Variants in BRCA1 observed in about 807,000 individuals in gnomAD.
BRCA1 encodes BRCA1 DNA repair associated.
BRCA1 carries 140 observed loss-of-function variants against 173.7 expected under a neutral mutation model. That is an observed-to-expected ratio of 0.81 (90% CI 0.70 to 0.93). The LOEUF (loss-of-function observed/expected upper bound fraction) is 0.93, where lower values mean the gene tolerates loss of function less well. BRCA1 is among the 40% of genes least tolerant of loss of function. The pLI is 0.00. For missense variants in BRCA1, 1,983 were observed against 2,172.5 expected, an observed-to-expected ratio of 0.91 and a Z score of 1.73; for synonymous variants, 662 against 756.0, an observed-to-expected ratio of 0.88 and a Z score of 2.04.
At chr17:43,114,078 A>C (rs2055157983) in intron 3 of BRCA1, among the ~76,000 whole-genome samples, 1 of 151,532 alleles carries the variant, frequency 6.6e-6, no homozygotes, top group Admixed American at 6.6e-5. Flanking sequence ...CCATCTCAAA[A>C]AAAAAAAAAG....
intron 1 of BRCA1, chr17:43,145,103 G>C: frequency 1.4e-6 from 1 of 740,374 alleles, no homozygotes; most frequent in Middle Eastern, 2.5e-4. Flanking sequence ...AGACACAAAA[G>C]TGCAAAAAAA....
At chr17:43,169,037 T>A (rs953392670) in intron 1 of BRCA1, among the ~76,000 whole-genome samples, 6 of 152,168 alleles carry the variant, frequency 3.9e-5, no homozygotes, top group African/African-American at 1.2e-4. Flanking sequence ...TACTTCCCTC[T>A]TGCGCTTTCT....
At chr17:43,063,206 T>G in intron 18 of BRCA1, 127 bp downstream of exon 18, 1 of 809,204 alleles carries the variant, frequency 1.2e-6, no homozygotes, top group Non-Finnish European at 2.1e-6. Flanking sequence ...TTCTTGATGA[T>G]CCTCATTATC....
intron 1 of BRCA1, among the ~76,000 whole-genome samples, chr17:43,135,557 G>A (rs1489011712): frequency 1.3e-5 from 2 of 152,192 alleles, no homozygotes; most frequent in Non-Finnish European, 2.9e-5. Context: ...GGCCGGGGCT[G>A]TAGCCTTCAT....
At position 43,094,519 on chromosome 17, in the gene BRCA1, T is replaced by C. The variant is rs397508826; in HGVS notation, c.1012A>G (p.Lys338Glu). The C allele has an allele frequency of 6.2e-7, 1 of 1,614,124 alleles. No homozygotes were observed. Among genetic ancestry groups the C allele is most frequent in the Non-Finnish European group, 8.5e-7 (1 of 1,180,030 alleles). The part of the protein sequence containing the change: ...CNDRRTPSTE[K>E]KVDLNADPLC... ...GGATCAGCATTCAGATCTACCTTTT[T>C]TTCTGTGCTGGGAGTCCGCCTATCA... Residue 338 changes from lysine (K) to glutamate (E), a missense_variant, in exon 10 of 23, where the codon AAA becomes GAA. By Grantham distance (56) the Lys-to-Glu change is moderately conservative. Coordinates refer to ENST00000357654, the MANE Select transcript of BRCA1 (RefSeq NM_007294.4).
chr17:43,063,445 C>A (rs1290801589), intron 17 of BRCA1, 72 bp from the exon 18 acceptor site: 6 of 1,256,348 alleles, frequency 4.8e-6, no homozygotes, highest in Non-Finnish European at 5.8e-6. Flanking sequence ...ATAGAGAGGT[C>A]AGCGATTCAC....
At chr17:43,047,167 G>A (rs773244301) in intron 22 of BRCA1, among the ~76,000 whole-genome samples, 3 of 151,316 alleles carry the variant, frequency 2.0e-5, no homozygotes, top group Non-Finnish European at 4.4e-5. Context: ...TGGTGTGATC[G>A]TGGCTCACTG....
At chr17:43,133,213 C>T (rs1277019618) in intron 1 of BRCA1, 1 of 152,078 alleles carries the variant, frequency 6.6e-6, no homozygotes, top group Non-Finnish European at 1.5e-5. Context: ...CCTTATCCCT[C>T]ATCTCCTAGG....
At chr17:43,100,558 G>GTATATATATATAACATATATATGT (rs1567806950) in intron 6 of BRCA1, among the ~76,000 whole-genome samples, 2 of 35,914 alleles carry the variant, frequency 5.6e-5, no homozygotes, top group African/African-American at 1.8e-4. Context: ...GTGTGTGTGT[G>GTATATATATATAACATATATATGT]TATATATATA....
intron 12 of BRCA1, chr17:43,079,276 C>A (rs1202016798): frequency 2.7e-5 from 37 of 1,360,024 alleles, no homozygotes; most frequent in Non-Finnish European, 3.7e-5. Context: ...TTGGCCAGAA[C>A]CACCATCTTT....
At chr17:43,156,300 T>A (rs2056196915) in intron 1 of BRCA1, among the ~76,000 whole-genome samples, 1 of 151,872 alleles carries the variant, frequency 6.6e-6, no homozygotes, top group Admixed American at 6.6e-5. Context: ...TTGTGAAGGA[T>A]TTAGTAATAC....
At chr17:43,124,580 T>A (rs2154579101) in intron 1 of BRCA1, among the ~76,000 whole-genome samples, 1 of 152,234 alleles carries the variant, frequency 6.6e-6, no homozygotes, top group African/African-American at 2.4e-5. Context: ...CAGCATCTGT[T>A]ACTACTGACG....
chr17:43,133,844 A>G (rs2055992826), intron 1 of BRCA1, among the ~76,000 whole-genome samples: 1 of 152,134 alleles, frequency 6.6e-6, no homozygotes, highest in Non-Finnish European at 1.5e-5. Flanking sequence ...CATGTTGGCC[A>G]GGCTGGTCTC....
chr17:43,057,169 G>C (rs760208409), intron 18 of BRCA1, 34 bp from the exon 19 acceptor site: 6 of 1,600,986 alleles, frequency 3.7e-6, no homozygotes, highest in Non-Finnish European at 3.4e-6. Context: ...ATCAGGATAA[G>C]AGAAAGAGAA....
intron 16 of BRCA1, among the ~76,000 whole-genome samples, chr17:43,066,968 C>T (rs1028336712): frequency 7.9e-5 from 12 of 151,654 alleles, no homozygotes; most frequent in East Asian, 2.0e-4. Context: ...CAGGTGCCTG[C>T]CACCACGCCC....
At chr17:43,115,670 T>C (rs1567817733) in intron 3 of BRCA1, 56 bp downstream of exon 3, 1 of 1,545,210 alleles carries the variant, frequency 6.5e-7, no homozygotes, top group Non-Finnish European at 8.9e-7. Context: ...TTTCCTGGGT[T>C]ATGAAGGACA....
chr17:43,067,822 A>C, intron 15 of BRCA1, 127 bp from the exon 16 acceptor site: 1 of 608,986 alleles, frequency 1.6e-6, no homozygotes, highest in Non-Finnish European at 2.7e-6. Context: ...GTGTCCTGGA[A>C]CTATTTAAAG....
rs876658464 is a variant in BRCA1, at chr17:43,092,496, C to G, written c.3035G>C (p.Arg1012Thr). 1 of 1,613,990 alleles carries G rather than the reference C, an allele frequency of 6.2e-7. No individual in the cohort carries two copies. The highest frequency in any genetic ancestry group is 1.7e-5 in the Admixed American group (1 of 60,008). ...TGGAATGTTCTCATTTCCCATTTCT[C>G]TTTCAGGTGACATTGAATGTTCCTC... ...NFEEHSMSPE[R>T]EMGNENIPST... The change falls in exon 10 of 23, where the codon AGA becomes ACA. Residue 1012 changes from arginine (R) to threonine (T), a missense_variant. Arg to Thr is a moderately conservative substitution (Grantham distance 71). Transcript: ENST00000357654.
At chr17:43,101,895 TAAGTTC>T (rs758204650) in intron 6 of BRCA1, among the ~76,000 whole-genome samples, 2 of 152,224 alleles carry the variant, frequency 1.3e-5, no homozygotes, top group Non-Finnish European at 2.9e-5. Context: ...TTACACCTTT[TAAGTTC>T]AAGTAATTTT....
Sources: allele counts gnomAD v4.1 joint callset (sites outside exome capture counted in the v4.1 genomes callset), GRCh38; gene constraint gnomAD v4.1.1; transcripts MANE v1.5; gene names NCBI Gene and HGNC (gene_info 2026-07-23, HGNC 2026-07-21).